RASGRF1: variants seen among roughly 807,000 people sequenced by gnomAD.
RASGRF1 encodes the protein ras-specific guanine nucleotide-releasing factor 1.
Under a neutral mutation model 138.7 loss-of-function variants are expected in RASGRF1, and 40 were observed. That is an observed-to-expected ratio of 0.29 (90% confidence interval 0.22 to 0.38). The LOEUF (loss-of-function observed/expected upper bound fraction) is 0.38. Among genes scored for constraint, RASGRF1 ranks in the 10% least tolerant of loss-of-function variants. The pLI, the probability that RASGRF1 is intolerant of heterozygous loss-of-function variation, is 1.00. For synonymous variants in RASGRF1, 614 were observed against 663.2 expected, an observed-to-expected ratio of 0.93 and a Z score of 1.14; for missense variants, 1,108 against 1,650.4, an observed-to-expected ratio of 0.67 and a Z score of 5.69.
At position 79,058,498 on chromosome 15, in the gene RASGRF1, A is replaced by T. The variant is rs3816282; in HGVS notation, c.384-17T>A. On this transcript the variant is annotated splice_polypyrimidine_tract_variant and intron_variant, in intron 2 of 26. Transcript: ENST00000558480. The stretch of plus-strand genomic sequence containing the variant: ...GTCCTGTAGCTGTGGACAGATGGAC[A>T]TGGCAGGTAAGATGCTGACTCCTTG... The T allele has an allele frequency of 2.2e-4, 360 of 1,612,040 alleles. No homozygotes were observed. Among genetic ancestry groups the T allele is most frequent in the Admixed American group, 1.2e-4 (7 of 59,986 alleles).
At chr15:79,029,742 G>A (rs150683345) in intron 8 of RASGRF1, among the ~76,000 whole-genome samples, 134 of 152,266 alleles carry the variant, frequency 8.8e-4, no homozygotes, top group African/African-American at 3.1e-3. Flanking sequence ...TTAAAGGGAT[G>A]CTGTCATGGT....
chr15:79,085,329 G>T (rs1296408364), intron 1 of RASGRF1, among the ~76,000 whole-genome samples: 1 of 152,150 alleles, frequency 6.6e-6, no homozygotes, highest in Non-Finnish European at 1.5e-5. Flanking sequence ...GAAAAGTGGT[G>T]GCCTAAGCAG....
Position 79,032,776 on chromosome 15 carries a change from G to A in RASGRF1, c.959-460C>T, listed in dbSNP as rs2057160225. On this transcript the variant is annotated intron_variant, in intron 6 of 26. Transcript: ENST00000558480. The surrounding 1 kb of genome is among the most constrained non-coding windows in gnomAD (Gnocchi z 4.5). Reference sequence around the variant, plus strand: ...AGTGTGAGGTCACCCCTTCTCCAGAGCTTCCTGTGGGGTCGGCTGAGGCTT... The same window carrying A: ...AGTGTGAGGTCACCCCTTCTCCAGAACTTCCTGTGGGGTCGGCTGAGGCTT... 6.6e-6 allele frequency among the ~76,000 whole-genome samples: 1 copy of A among 152,202 alleles called. No individual in the cohort carries two copies.
intron 1 of RASGRF1, among the ~76,000 whole-genome samples, chr15:79,077,630 G>C (rs553238833): frequency 6.6e-6 from 1 of 152,280 alleles, no homozygotes; most frequent in Non-Finnish European, 1.5e-5. Flanking sequence ...GGGAGATGGC[G>C]TTTGTGGCAT....
At chr15:79,075,986 GC>G (rs965817290) in intron 1 of RASGRF1, among the ~76,000 whole-genome samples, 4 of 152,298 alleles carry the variant, frequency 2.6e-5, no homozygotes, top group Admixed American at 6.5e-5. Flanking sequence ...CCAGTATTTA[GC>G]CCCCACTAGA....
intron 26 of RASGRF1, among the ~76,000 whole-genome samples, chr15:78,967,256 A>G (rs1387158732): frequency 6.6e-6 from 1 of 152,116 alleles, no homozygotes; most frequent in Non-Finnish European, 1.5e-5. Flanking sequence ...CAAACAAACA[A>G]AAAAACAGGC....
intron 25 of RASGRF1, among the ~76,000 whole-genome samples, chr15:78,972,949 G>A (rs953873539): frequency 6.6e-6 from 1 of 152,156 alleles, no homozygotes; most frequent in African/African-American, 2.4e-5. Context: ...CCTGGACCCG[G>A]GCTCCAGACC....
chr15:79,021,959 A>C (rs1189173378), intron 10 of RASGRF1, among the ~76,000 whole-genome samples: 1 of 151,748 alleles, frequency 6.6e-6, no homozygotes, highest in African/African-American at 2.4e-5. Context: ...TGACACGAGA[A>C]CTCCCTCACT....
chr15:79,055,855 C>T (rs548826836), intron 3 of RASGRF1, among the ~76,000 whole-genome samples: 1 of 152,348 alleles, frequency 6.6e-6, no homozygotes, highest in Admixed American at 6.5e-5. Context: ...ATGCTTCCCA[C>T]CGAGCCTGAC....
At chr15:79,054,720 C>T (rs1408173497) in intron 3 of RASGRF1, among the ~76,000 whole-genome samples, 1 of 152,202 alleles carries the variant, frequency 6.6e-6, no homozygotes. Context: ...TAATCAACCT[C>T]TGTTGTTTTA....
chr15:79,048,790 C>G (rs942502666), intron 4 of RASGRF1, among the ~76,000 whole-genome samples: 7 of 152,218 alleles, frequency 4.6e-5, no homozygotes, highest in Non-Finnish European at 8.8e-5. Flanking sequence ...CTAGGGATGG[C>G]GTTGGGGTCC....
intron 10 of RASGRF1, among the ~76,000 whole-genome samples, chr15:79,023,674 A>T (rs1302034001): frequency 6.6e-6 from 1 of 152,100 alleles, no homozygotes; most frequent in Non-Finnish European, 1.5e-5. Flanking sequence ...CTCCCCCTTT[A>T]GGGATGAGCT....
At chr15:78,982,388 G>A (rs1168732330) in intron 23 of RASGRF1, among the ~76,000 whole-genome samples, 9 of 152,258 alleles carry the variant, frequency 5.9e-5, no homozygotes, top group African/African-American at 2.2e-4. Context: ...GGGTTGTCAT[G>A]CTGTCTCCAG....
intron 5 of RASGRF1, among the ~76,000 whole-genome samples, chr15:79,041,886 C>T (rs374823020): frequency 6.6e-6 from 1 of 152,220 alleles, no homozygotes; most frequent in Non-Finnish European, 1.5e-5. Flanking sequence ...TGCTCCCCTG[C>T]TGAACCTCAT....
chr15:78,980,733 GCACA>G, intron 23 of RASGRF1, 34 bp from the exon 24 acceptor site: 2 of 1,500,638 alleles, frequency 1.3e-6, no homozygotes, highest in Non-Finnish European at 1.8e-6. Context: ...CTAACACACA[GCACA>G]CGCTGTGATC....
intron 16 of RASGRF1, 101 bp downstream of exon 16, chr15:79,001,561 T>C: frequency 7.2e-7 from 1 of 1,386,976 alleles, no homozygotes; most frequent in South Asian, 1.5e-5. Context: ...GAGTCACTCA[T>C]AAAGCATAAG....
chr15:78,984,265 C>G (rs192882833), intron 23 of RASGRF1, among the ~76,000 whole-genome samples: 23 of 152,228 alleles, frequency 1.5e-4, no homozygotes, highest in African/African-American at 5.3e-4. Context: ...ACTGGGGGTG[C>G]TTGTCTGGCC....
At position 79,090,552 on chromosome 15, in the gene RASGRF1, C is replaced by T. The variant is rs1373635457; in HGVS notation, c.-54G>A. 1.8e-5 allele frequency: 28 copies of T among 1,581,130 alleles called. No homozygotes were observed. The highest frequency in any genetic ancestry group is 3.4e-5 in the South Asian group (3 of 88,612). The stretch of plus-strand genomic sequence containing the variant: ...CGCTTACATCTTCTCCGCGCAGCAG[C>T]CCCCCGTCCGTGCGCGCTGCGCGCT... On this transcript the variant is annotated 5_prime_UTR_variant, in exon 1 of 27. Coordinates refer to ENST00000558480, the MANE Select transcript of RASGRF1 (RefSeq NM_001145648.3).
At chr15:79,056,144 A>G (rs1027864354) in intron 3 of RASGRF1, among the ~76,000 whole-genome samples, 1 of 152,154 alleles carries the variant, frequency 6.6e-6, no homozygotes, top group Non-Finnish European at 1.5e-5. Flanking sequence ...GGGCATTCCA[A>G]ACAGAAGCAC....
Sources: allele counts gnomAD v4.1 joint callset (sites outside exome capture counted in the v4.1 genomes callset), GRCh38; gene constraint gnomAD v4.1.1; non-coding constraint Gnocchi (gnomAD v3.1); transcripts MANE v1.5; gene names NCBI Gene and HGNC (gene_info 2026-07-23, HGNC 2026-07-21).